ASCC3: variants seen among roughly 807,000 people sequenced by gnomAD.
The protein encoded by ASCC3 is activating signal cointegrator 1 complex subunit 3, also known as ASC-1 complex subunit P200.
A neutral mutation model predicts 256.3 loss-of-function variants in ASCC3; 158 were observed. That is an observed-to-expected ratio of 0.62 (90% CI 0.54 to 0.70). ASCC3 has a LOEUF of 0.70. ASCC3 is among the 30% of genes least tolerant of loss of function. The pLI is 0.00. For synonymous variants in ASCC3, 948 were observed against 883.4 expected, an observed-to-expected ratio of 1.07 and a Z score of -1.30; for missense variants, 2,259 against 2,626.0, an observed-to-expected ratio of 0.86 and a Z score of 3.05.
chr6:100,707,838 T>C (rs574633754), intron 13 of ASCC3, among the ~76,000 whole-genome samples: 4 of 152,186 alleles, frequency 2.6e-5, no homozygotes, highest in African/African-American at 4.8e-5. Context: ...TGTAGAAAAA[T>C]TGCAGTTCCT....
intron 30 of ASCC3, among the ~76,000 whole-genome samples, chr6:100,617,343 G>A (rs562717570): frequency 6.1e-4 from 93 of 152,070 alleles, no homozygotes; most frequent in Non-Finnish European, 1.1e-3. Context: ...GACTCACTCA[G>A]AAGAAAAGGC....
intron 10 of ASCC3, among the ~76,000 whole-genome samples, chr6:100,758,197 T>C (rs1295331557): frequency 2.0e-5 from 3 of 152,210 alleles, no homozygotes; most frequent in Non-Finnish European, 4.4e-5. Flanking sequence ...ATGCTAACTC[T>C]GAGATGACAA....
chr6:100,568,944 AT>A lies in ASCC3; in HGVS notation c.5550+20689del, dbSNP rs528680452. 1.7e-4 allele frequency among the ~76,000 whole-genome samples: 26 copies of A among 150,926 alleles called. No homozygotes were observed. In the South Asian group the frequency reaches 4.8e-3, roughly 28 times the overall value. On this transcript the variant is annotated intron_variant, in intron 36 of 41. Coordinates refer to ENST00000369162, the MANE Select transcript of ASCC3 (RefSeq NM_006828.4). ...GGGCACCCGCCACCATGCCCAGCTA[AT>A]TTTTTTTGTGTTTTTAGTAGAGACA...
chr6:100,652,515 G>T (rs941625050), intron 18 of ASCC3, among the ~76,000 whole-genome samples: 9 of 152,092 alleles, frequency 5.9e-5, no homozygotes, highest in African/African-American at 1.9e-4. Flanking sequence ...TATTGCTTGG[G>T]ATACACTCAT....
chr6:100,876,307 G>C (rs1774001668), intron 1 of ASCC3, among the ~76,000 whole-genome samples: 1 of 152,100 alleles, frequency 6.6e-6, no homozygotes. Context: ...GATGAGGTGG[G>C]ATTTTTTCTA....
intron 13 of ASCC3, among the ~76,000 whole-genome samples, chr6:100,685,100 C>T (rs1025701673): frequency 1.9e-4 from 29 of 152,112 alleles, no homozygotes; most frequent in African/African-American, 6.8e-4. Flanking sequence ...AGCCACCATG[C>T]GCGGCCAAAT....
At chr6:100,604,620 C>A (rs1470192290) in intron 33 of ASCC3, among the ~76,000 whole-genome samples, 1 of 149,340 alleles carries the variant, frequency 6.7e-6, no homozygotes, top group Non-Finnish European at 1.5e-5. Context: ...TTTTTTTTTA[C>A]TTTTTTGTAG....
intron 13 of ASCC3, among the ~76,000 whole-genome samples, chr6:100,694,475 C>T (rs901387033): frequency 2.6e-5 from 4 of 152,052 alleles, no homozygotes; most frequent in Non-Finnish European, 5.9e-5. Context: ...CAGAGGAAGG[C>T]TCAATCTCAA....
chr6:100,769,414 G>A (rs763274174), intron 8 of ASCC3, among the ~76,000 whole-genome samples: 3 of 151,844 alleles, frequency 2.0e-5, no homozygotes, highest in Non-Finnish European at 4.4e-5. Flanking sequence ...TGACAGATAT[G>A]CTAATTACCC....
At chr6:100,604,333 T>G (rs1436969593) in intron 33 of ASCC3, among the ~76,000 whole-genome samples, 1 of 152,124 alleles carries the variant, frequency 6.6e-6, no homozygotes, top group Non-Finnish European at 1.5e-5. Flanking sequence ...GTTGTTGATT[T>G]TTCTCTAGTT....
At chr6:100,696,844 T>C (rs1778107685) in intron 13 of ASCC3, among the ~76,000 whole-genome samples, 1 of 152,100 alleles carries the variant, frequency 6.6e-6, no homozygotes, top group African/African-American at 2.4e-5. Context: ...TATTTTAAAA[T>C]AGGTTCAAAG....
chr6:100,516,391 T>C (rs931143539), intron 38 of ASCC3, 64 bp from the exon 39 acceptor site: 1 of 1,583,256 alleles, frequency 6.3e-7, no homozygotes, highest in Non-Finnish European at 8.7e-7. Flanking sequence ...TTTCTGACAA[T>C]GGTGGTTTAT....
At chr6:100,788,376 A>G (rs1286275830) in intron 8 of ASCC3, among the ~76,000 whole-genome samples, 1 of 152,030 alleles carries the variant, frequency 6.6e-6, no homozygotes, top group Non-Finnish European at 1.5e-5. Context: ...TGGAAATACA[A>G]AATGCTCCAT....
chr6:100,667,487 G>C (rs182333247), intron 14 of ASCC3, among the ~76,000 whole-genome samples: 38 of 152,114 alleles, frequency 2.5e-4, no homozygotes, highest in African/African-American at 9.2e-4. Flanking sequence ...TTGTTCTTTA[G>C]AGAGGTAACT....
chr6:100,509,382 C>A lies in ASCC3; in HGVS notation c.*4G>T. 2 of 1,614,050 alleles carry A rather than the reference C, an allele frequency of 1.2e-6. No individual in the cohort carries two copies. The highest frequency in any genetic ancestry group is 1.7e-6 in the Non-Finnish European group (2 of 1,179,996). ...CTCCTTTCAAATGGATTGTTCAGGT[C>A]AAGTTACTTTAATGCCAGGTCAGTC... On this transcript the variant is annotated 3_prime_UTR_variant, in exon 42 of 42. Transcript: ENST00000369162.
At chr6:100,695,984 C>T (rs1778064033) in intron 13 of ASCC3, among the ~76,000 whole-genome samples, 1 of 152,100 alleles carries the variant, frequency 6.6e-6, no homozygotes, top group Admixed American at 6.6e-5. Flanking sequence ...CAGTTTCAGA[C>T]TTATTTAACA....
At chr6:100,581,131 C>G (rs538065453) in intron 36 of ASCC3, among the ~76,000 whole-genome samples, 5,187 of 151,992 alleles carry the variant, frequency 0.034, 265 homozygotes, top group African/African-American at 0.12. Context: ...GGTATTTCTA[C>G]TTCTAGATCC....
At chr6:100,864,248 C>T in intron 2 of ASCC3, 34 bp from the exon 3 acceptor site, 3 of 1,534,326 alleles carry the variant, frequency 2.0e-6, no homozygotes, top group Non-Finnish European at 2.7e-6. Flanking sequence ...AAAAGTACTG[C>T]TTAAAGTTCT....
At chr6:100,671,976 AT>A (rs1440262356) in intron 14 of ASCC3, among the ~76,000 whole-genome samples, 2 of 151,792 alleles carry the variant, frequency 1.3e-5, no homozygotes, top group African/African-American at 4.8e-5. Context: ...AGTCATCTTG[AT>A]TTGTTTTTCT....
Sources: allele counts gnomAD v4.1 joint callset (sites outside exome capture counted in the v4.1 genomes callset), GRCh38; gene constraint gnomAD v4.1.1; transcripts MANE v1.5; gene names NCBI Gene and HGNC (gene_info 2026-07-23, HGNC 2026-07-21).